SOX5: variants seen among roughly 807,000 people sequenced by gnomAD.
SOX5 encodes SRY-box transcription factor 5.
SOX5 carries 9 observed loss-of-function variants against 92.0 expected under a neutral mutation model. That is an observed-to-expected ratio of 0.10 (90% confidence interval 0.06 to 0.17). The LOEUF (loss-of-function observed/expected upper bound fraction) is 0.17, where lower values mean the gene tolerates loss of function less well. Ranked by LOEUF, SOX5 falls within the 10% of genes least tolerant of loss-of-function variation. The probability of loss-of-function intolerance (pLI) is 1.00; values close to 1 mark genes in which losing one functional copy is unlikely to be tolerated. For synonymous variants in SOX5, 344 were observed against 336.3 expected, an observed-to-expected ratio of 1.02 and a Z score of -0.25; for missense variants, 642 against 944.5, an observed-to-expected ratio of 0.68 and a Z score of 4.20.
chr12:24,461,441 T>C (rs1463630287), intron 1 of SOX5, among the ~76,000 whole-genome samples: 3 of 152,192 alleles, frequency 2.0e-5, no homozygotes, highest in Non-Finnish European at 4.4e-5. Flanking sequence ...CATAAAACCA[T>C]GGGTCATCAT....
At chr12:24,417,487 C>G (rs1965221937) in intron 1 of SOX5, among the ~76,000 whole-genome samples, 1 of 152,194 alleles carries the variant, frequency 6.6e-6, no homozygotes, top group Non-Finnish European at 1.5e-5. Context: ...GGATAATTTT[C>G]ATGAGACTCA....
At chr12:24,305,646 G>C (rs1948480438) in intron 2 of SOX5, among the ~76,000 whole-genome samples, 1 of 152,184 alleles carries the variant, frequency 6.6e-6, no homozygotes, top group African/African-American at 2.4e-5. Flanking sequence ...CGCCCAGGCT[G>C]GAGTGCAGTG....
chr12:24,147,424 T>G (rs1235109513), intron 4 of SOX5, among the ~76,000 whole-genome samples: 2 of 152,158 alleles, frequency 1.3e-5, no homozygotes, highest in Non-Finnish European at 2.9e-5. Flanking sequence ...GGAAGCAATA[T>G]TCTCACCACG....
intron 2 of SOX5, among the ~76,000 whole-genome samples, chr12:23,872,259 G>A (rs935377684): frequency 1.7e-4 from 23 of 137,898 alleles, no homozygotes; most frequent in South Asian, 7.2e-4. Flanking sequence ...TGATCCGCCC[G>A]CCTCGGCCTC....
At chr12:24,164,883 C>T (rs764080008) in intron 4 of SOX5, among the ~76,000 whole-genome samples, 7 of 151,954 alleles carry the variant, frequency 4.6e-5, no homozygotes, top group Non-Finnish European at 7.4e-5. Flanking sequence ...TTGAATGGAA[C>T]TAATGGCAAT....
chr12:23,541,559 T>C (rs1185232139), intron 13 of SOX5, among the ~76,000 whole-genome samples: 3 of 152,210 alleles, frequency 2.0e-5, no homozygotes, highest in Non-Finnish European at 4.4e-5. Context: ...AGATCAGAGC[T>C]GGTAGAGATG....
rs575717459 is a variant in SOX5, at chr12:23,998,565, G to A, written c.-1-102541C>T. 2.0e-5 allele frequency among the ~76,000 whole-genome samples: 3 copies of A among 152,144 alleles called. 1 individual carries two copies. Among genetic ancestry groups the A allele is most frequent in the African/African-American group, 7.2e-5 (3 of 41,518 alleles). ...CATGCCTGTAATCCCAGCACTTTGG[G>A]AGGCTGAGGCTGGTGGATCACGAGG... On this transcript the variant is annotated intron_variant, in intron 4 of 4. Transcript: ENST00000446891.
intron 1 of SOX5, among the ~76,000 whole-genome samples, chr12:24,524,579 C>T (rs181631322): frequency 1.8e-3 from 281 of 152,150 alleles, no homozygotes; most frequent in African/African-American, 6.3e-3. Context: ...ATGCCTAATG[C>T]CACTAATCAT....
intron 4 of SOX5, among the ~76,000 whole-genome samples, chr12:24,049,456 C>G (rs1174752234): frequency 6.6e-6 from 1 of 152,128 alleles, no homozygotes; most frequent in East Asian, 1.9e-4. Context: ...TATTTTAAAA[C>G]AATTAAGAGA....
intron 8 of SOX5, among the ~76,000 whole-genome samples, chr12:23,624,142 C>T (rs2077490862): frequency 6.6e-6 from 1 of 151,990 alleles, no homozygotes; most frequent in South Asian, 2.1e-4. Context: ...CAGTTAAATT[C>T]ATAGAGAGTG....
chr12:24,365,861 A>G (rs1956117847), intron 2 of SOX5, among the ~76,000 whole-genome samples: 1 of 151,952 alleles, frequency 6.6e-6, no homozygotes, highest in Non-Finnish European at 1.5e-5. Flanking sequence ...TAATACAAAT[A>G]CTAGCAAAGA....
At chr12:23,549,656 A>G (rs1352097521) in intron 11 of SOX5, among the ~76,000 whole-genome samples, 3 of 151,996 alleles carry the variant, frequency 2.0e-5, no homozygotes, top group Non-Finnish European at 4.4e-5. Flanking sequence ...AGTAGTCAAC[A>G]TGTAAAAGTC....
At chr12:24,320,541 A>T (rs917214072) in intron 2 of SOX5, among the ~76,000 whole-genome samples, 31 of 152,120 alleles carry the variant, frequency 2.0e-4, no homozygotes, top group African/African-American at 7.5e-4. Flanking sequence ...TTTAATACAA[A>T]TCTGAGCACA....
chr12:24,549,254 C>T (rs377109005), intron 1 of SOX5, among the ~76,000 whole-genome samples: 96 of 152,178 alleles, frequency 6.3e-4, no homozygotes, highest in Non-Finnish European at 9.7e-4. Context: ...ATCATAAACG[C>T]TGATAATTAT....
intron 2 of SOX5, among the ~76,000 whole-genome samples, chr12:23,860,909 A>G (rs139963654): frequency 6.9e-6 from 1 of 145,266 alleles, no homozygotes; most frequent in Admixed American, 7.1e-5. Flanking sequence ...TTGAAAGTTT[A>G]TCGTTATTTA....
intron 4 of SOX5, among the ~76,000 whole-genome samples, chr12:24,004,139 A>G (rs535049266): frequency 5.9e-5 from 9 of 152,174 alleles, no homozygotes; most frequent in Admixed American, 5.2e-4. Flanking sequence ...CTCACCATAA[A>G]CAAAAGATGC....
intron 4 of SOX5, among the ~76,000 whole-genome samples, chr12:24,080,465 A>G (rs1441634461): frequency 6.6e-6 from 1 of 152,082 alleles, no homozygotes; most frequent in African/African-American, 2.4e-5. Flanking sequence ...GCTCTTAAAA[A>G]GATCAAAATG....
At chr12:23,655,122 T>C (rs1468095611) in intron 7 of SOX5, among the ~76,000 whole-genome samples, 1 of 152,106 alleles carries the variant, frequency 6.6e-6, no homozygotes, top group Non-Finnish European at 1.5e-5. Context: ...GGAAGACCTT[T>C]CTGCATATAA....
intron 8 of SOX5, among the ~76,000 whole-genome samples, chr12:23,616,750 T>C (rs1439529408): frequency 6.6e-6 from 1 of 152,048 alleles, no homozygotes. Context: ...GTATAAGGGT[T>C]TGAATTATCA....
Sources: allele counts gnomAD v4.1 joint callset (sites outside exome capture counted in the v4.1 genomes callset), GRCh38; gene constraint gnomAD v4.1.1; transcripts MANE v1.5; gene names NCBI Gene and HGNC (gene_info 2026-07-23, HGNC 2026-07-21).